TPH2: variants seen among roughly 807,000 people sequenced by gnomAD.
The protein encoded by TPH2 is tryptophan hydroxylase 2.
In TPH2, 27 loss-of-function variants were observed where a neutral mutation model predicts 59.1. The observed-to-expected ratio is 0.46, with a 90% CI of 0.34 to 0.63. The LOEUF (loss-of-function observed/expected upper bound fraction) is 0.63, where lower values mean the gene tolerates loss of function less well. Among genes scored for constraint, TPH2 ranks in the 30% least tolerant of loss-of-function variants. TPH2 has a pLI of 0.01. For missense variants in TPH2, 523 were observed against 588.3 expected (o/e 0.89, Z 1.15); for synonymous variants, 220 against 210.5 (o/e 1.05, Z -0.39).
intron 5 of TPH2, among the ~76,000 whole-genome samples, chr12:71,967,743 T>C (rs988151839): frequency 3.9e-5 from 6 of 152,240 alleles, no homozygotes; most frequent in African/African-American, 1.4e-4. Context: ...TTTCCCACTC[T>C]TTACTTTCAA....
chr12:71,973,560 A>G (rs1375846707), intron 6 of TPH2, among the ~76,000 whole-genome samples: 1 of 152,174 alleles, frequency 6.6e-6, no homozygotes, highest in Non-Finnish European at 1.5e-5. Flanking sequence ...CTCATGAATA[A>G]TCCATTCCTT....
chr12:71,972,711 G>A lies in TPH2; in HGVS notation c.801G>A (p.Leu267=). The part of the protein sequence containing the change: ...VPQLEDVSMF[L]KERSGFTVRP... ...AACTCGAAGATGTCTCCATGTTTCTGAAAGGTAAGATTTCACACAGGCTGT... is the reference window on the plus strand; with the variant it reads ...AACTCGAAGATGTCTCCATGTTTCTAAAAGGTAAGATTTCACACAGGCTGT... The change falls in exon 6 of 11, where the codon CTG becomes CTA. Residue 267 remains leucine (L), a synonymous_variant. Transcript: ENST00000333850. 2 of 1,613,604 alleles carry A rather than the reference G, an allele frequency of 1.2e-6. No homozygotes were observed. The highest frequency in any genetic ancestry group is 1.7e-6 in the Non-Finnish European group (2 of 1,179,964).
chr12:71,981,760 T>C (rs904642838), intron 7 of TPH2, among the ~76,000 whole-genome samples: 1 of 151,904 alleles, frequency 6.6e-6, no homozygotes, highest in African/African-American at 2.4e-5. Context: ...GATTTGGGTT[T>C]GGGGTATTTT....
intron 8 of TPH2, among the ~76,000 whole-genome samples, chr12:72,012,169 G>A (rs1443939198): frequency 6.8e-6 from 1 of 146,642 alleles, no homozygotes; most frequent in African/African-American, 2.5e-5. Flanking sequence ...TAGAGAGCAG[G>A]AATTCAACAA....
chr12:72,022,215 T>G (rs1002300647), intron 8 of TPH2, among the ~76,000 whole-genome samples, 184 bp from the exon 9 acceptor site: 8 of 152,194 alleles, frequency 5.3e-5, no homozygotes, highest in Non-Finnish European at 1.2e-4. Context: ...TTCATATACA[T>G]TCAACCTAGG....
intron 9 of TPH2, among the ~76,000 whole-genome samples, chr12:72,024,500 C>A (rs749962916): frequency 2.6e-5 from 4 of 152,216 alleles, no homozygotes; most frequent in African/African-American, 7.2e-5. Flanking sequence ...GTGCAGTGGG[C>A]AAAGCCCACA....
intron 8 of TPH2, among the ~76,000 whole-genome samples, chr12:72,005,652 G>T (rs530984791): frequency 6.6e-6 from 1 of 152,146 alleles, no homozygotes; most frequent in African/African-American, 2.4e-5. Context: ...ACAGAGGAAA[G>T]AATAAATTGG....
chr12:71,939,952 T>C (rs1439796999), intron 1 of TPH2, among the ~76,000 whole-genome samples: 4 of 152,204 alleles, frequency 2.6e-5, no homozygotes, highest in Non-Finnish European at 5.9e-5. Context: ...TAGCTCCAAA[T>C]ATGTGCCAGA....
chr12:72,008,641 T>G (rs1023709874), intron 8 of TPH2, among the ~76,000 whole-genome samples: 1 of 152,154 alleles, frequency 6.6e-6, no homozygotes, highest in Non-Finnish European at 1.5e-5. Flanking sequence ...GAATCCCCAT[T>G]TTATAGGTGA....
chr12:71,967,310 A>G lies in TPH2; in HGVS notation c.609-5209A>G, dbSNP rs1192566050. 6.4e-4 allele frequency among the ~76,000 whole-genome samples: 97 copies of G among 152,236 alleles called. 2 individuals are homozygous for G. The highest frequency in any genetic ancestry group is 6.3e-3 in the Admixed American group (97 of 15,282). ...GAGTGGGGTTTAACCATACAGGCAG[A>G]CAGATGCCTCCCACAGCCTTCAATA... On this transcript the variant is annotated intron_variant, in intron 5 of 10. Coordinates refer to ENST00000333850, the MANE Select transcript of TPH2 (RefSeq NM_173353.4).
intron 5 of TPH2, chr12:71,965,638 C>G (rs10784944): frequency 0.84 from 127,623 of 152,200 alleles, 53,626 homozygotes; most frequent in East Asian, 0.94. Flanking sequence ...TTTTTCTCTT[C>G]TGTTAGAAAC....
intron 9 of TPH2, among the ~76,000 whole-genome samples, chr12:72,027,972 T>G (rs1041358675): frequency 6.6e-6 from 1 of 152,190 alleles, no homozygotes; most frequent in African/African-American, 2.4e-5. Flanking sequence ...GTTTCACTCA[T>G]TTGATATTAT....
chr12:72,029,476 A>AT lies in TPH2; in HGVS notation c.1165-1776dup, dbSNP rs557703393. On this transcript the variant is annotated intron_variant, in intron 9 of 10. Transcript: ENST00000333850. ...ATCATGGCAAGCCAACAGGAAGCCA[A>AT]TTTTTTGCAGAGGGGCAACAACTTT... Among the ~76,000 whole-genome samples, 59 of 152,286 alleles carry AT rather than the reference A, an allele frequency of 3.9e-4. No homozygotes were observed. In the South Asian group the frequency reaches 4.1e-3, roughly 11 times the overall value.
chr12:71,957,021 T>C (rs897728876), intron 5 of TPH2, among the ~76,000 whole-genome samples: 1 of 152,182 alleles, frequency 6.6e-6, no homozygotes, highest in African/African-American at 2.4e-5. Flanking sequence ...TAGCAGAAGA[T>C]GTGGCAGAAT....
chr12:71,977,557 A>T (rs1168429214), intron 6 of TPH2, among the ~76,000 whole-genome samples: 3 of 152,214 alleles, frequency 2.0e-5, no homozygotes, highest in Non-Finnish European at 4.4e-5. Context: ...TTTCACTATT[A>T]CAGTAAATCC....
At chr12:72,021,584 TG>T (rs1244575920) in intron 8 of TPH2, among the ~76,000 whole-genome samples, 2 of 152,170 alleles carry the variant, frequency 1.3e-5, no homozygotes, top group African/African-American at 4.8e-5. Flanking sequence ...TTTGCTCAAC[TG>T]TAGACTAATG....
At chr12:71,952,118 G>T (rs918295479) in intron 5 of TPH2, among the ~76,000 whole-genome samples, 1 of 152,154 alleles carries the variant, frequency 6.6e-6, no homozygotes, top group African/African-American at 2.4e-5. Flanking sequence ...GGAGTCATTT[G>T]GTTTTAAAGA....
At chr12:71,993,334 G>A (rs1872621922) in intron 7 of TPH2, among the ~76,000 whole-genome samples, 1 of 152,206 alleles carries the variant, frequency 6.6e-6, no homozygotes, top group South Asian at 2.1e-4. Flanking sequence ...GATTTCAGAG[G>A]AGTACAAGTG....
chr12:71,956,023 G>A (rs960913485), intron 5 of TPH2, among the ~76,000 whole-genome samples: 1 of 152,200 alleles, frequency 6.6e-6, no homozygotes, highest in Non-Finnish European at 1.5e-5. Context: ...CTGTTGACCA[G>A]GGAAACCATC....
Sources: allele counts gnomAD v4.1 joint callset (sites outside exome capture counted in the v4.1 genomes callset), GRCh38; gene constraint gnomAD v4.1.1; transcripts MANE v1.5; gene names NCBI Gene and HGNC (gene_info 2026-07-23, HGNC 2026-07-21).